The following SEMA5B variants were observed in gnomAD, a reference collection of about 807,000 sequenced individuals.
The protein encoded by SEMA5B is semaphorin-5B.
A neutral mutation model predicts 135.0 loss-of-function variants in SEMA5B; 66 were observed. The observed-to-expected ratio is 0.49, with a 90% CI of 0.40 to 0.60. SEMA5B has a LOEUF of 0.60. Ranked by LOEUF, SEMA5B falls within the 20% of genes least tolerant of loss-of-function variation. The probability of loss-of-function intolerance (pLI) is 0.00; values close to 1 mark genes in which losing one functional copy is unlikely to be tolerated. For missense variants in SEMA5B, 1,501 were observed against 1,566.3 expected, an observed-to-expected ratio of 0.96 and a Z score of 0.70; for synonymous variants, 690 against 639.5, an observed-to-expected ratio of 1.08 and a Z score of -1.19.
chr3:122,947,336 C>A (rs1437973989), intron 3 of SEMA5B, among the ~76,000 whole-genome samples: 2 of 152,038 alleles, frequency 1.3e-5, no homozygotes, highest in Non-Finnish European at 2.9e-5. Context: ...CAGCTGGAAA[C>A]CTTCCTCCCT....
chr3:123,008,273 A>G (rs192099934), intron 1 of SEMA5B, among the ~76,000 whole-genome samples: 84 of 152,350 alleles, frequency 5.5e-4, no homozygotes, highest in African/African-American at 1.9e-3. Flanking sequence ...CCTCTAATCA[A>G]TAATAAACTG....
chr3:122,920,531 T>C (rs533244625), intron 12 of SEMA5B, among the ~76,000 whole-genome samples: 1 of 152,330 alleles, frequency 6.6e-6, no homozygotes, highest in South Asian at 2.1e-4. Context: ...GTAATAAAGA[T>C]ACCAGCTACC....
chr3:122,928,232 G>T (rs1454409521), intron 7 of SEMA5B, among the ~76,000 whole-genome samples: 1 of 152,146 alleles, frequency 6.6e-6, no homozygotes, highest in Non-Finnish European at 1.5e-5. Flanking sequence ...ACCCTCCAAG[G>T]TAAGGCTGAC....
intron 1 of SEMA5B, among the ~76,000 whole-genome samples, chr3:122,987,156 T>C (rs1336586240): frequency 6.6e-6 from 1 of 150,834 alleles, no homozygotes; most frequent in Non-Finnish European, 1.5e-5. Context: ...TCCAGTAAAG[T>C]GATGCCGGGA....
rs202016691 is a variant in SEMA5B at position 122,915,927 on chromosome 3, C to T, written c.1689-37G>A. On this transcript the variant is annotated intron_variant, in intron 12 of 22. Coordinates refer to ENST00000357599, the MANE Select transcript of SEMA5B (RefSeq NM_001031702.4). ...ACGTCCTGAGATTCAAGCCCACTGG[C>T]TTCCCAGCCTCACCTGCATCTCAGG... 1,184 of 1,534,502 alleles carry T rather than the reference C, an allele frequency of 7.7e-4. 20 individuals are homozygous for T. In the South Asian group the frequency reaches 0.012, roughly 16 times the overall value.
chr3:122,983,985 A>AGT (rs1042311581), intron 1 of SEMA5B, among the ~76,000 whole-genome samples: 3 of 152,148 alleles, frequency 2.0e-5, no homozygotes, highest in Non-Finnish European at 4.4e-5. Flanking sequence ...TCATTCCGAG[A>AGT]GTTTGGCTCT....
At position 122,927,964 on chromosome 3, in the gene SEMA5B, C is replaced by A; in HGVS notation, c.676G>T (p.Val226Leu). ...LSRTIEKING[V>L]ARCPYDPRHN... ...CGTGGGTCATAGGGGCAGCGGGCCACACCATTGATCTTCTCAATAGTCCGG... is the reference window on the plus strand; with the variant it reads ...CGTGGGTCATAGGGGCAGCGGGCCAAACCATTGATCTTCTCAATAGTCCGG... The change falls in exon 8 of 23, where the codon GTG (valine) becomes TTG (leucine). Residue 226 changes from valine (V) to leucine (L), a missense_variant. By Grantham distance (32) the Val-to-Leu change is conservative. Transcript: ENST00000357599. The A allele has an allele frequency of 1.3e-6, 2 of 1,539,830 alleles. No individual in the cohort carries two copies. Among genetic ancestry groups the A allele is most frequent in the Non-Finnish European group, 1.8e-6 (2 of 1,141,046 alleles).
intron 2 of SEMA5B, among the ~76,000 whole-genome samples, chr3:122,960,390 C>T (rs559011438): frequency 2.0e-5 from 3 of 152,290 alleles, no homozygotes; most frequent in Non-Finnish European, 4.4e-5. Flanking sequence ...TAAAATGGTA[C>T]AGCCGCTATG....
chr3:123,022,711 T>C (rs1377705268), intron 1 of SEMA5B, among the ~76,000 whole-genome samples: 1 of 152,226 alleles, frequency 6.6e-6, no homozygotes, highest in East Asian at 1.9e-4. Flanking sequence ...TCGAATAATT[T>C]CTCACTGGTG....
chr3:123,022,070 A>G (rs1316281925), intron 1 of SEMA5B, among the ~76,000 whole-genome samples: 2 of 152,190 alleles, frequency 1.3e-5, no homozygotes, highest in Non-Finnish European at 2.9e-5. Flanking sequence ...TGCAATATCC[A>G]TTCAAAACCA....
At chr3:122,943,288 G>C in intron 4 of SEMA5B, 148 bp downstream of exon 4, 1 of 593,118 alleles carries the variant, frequency 1.7e-6, no homozygotes, top group East Asian at 2.8e-5. Flanking sequence ...CTCCTGTGGG[G>C]GGACAGACAT....
At chr3:122,938,869 A>G (rs1464397949) in intron 5 of SEMA5B, among the ~76,000 whole-genome samples, 1 of 152,252 alleles carries the variant, frequency 6.6e-6, no homozygotes, top group Non-Finnish European at 1.5e-5. Flanking sequence ...CTCTCAGAGC[A>G]CTTAGGGAAT....
At chr3:122,932,595 A>C (rs1939035049) in intron 5 of SEMA5B, among the ~76,000 whole-genome samples, 1 of 152,084 alleles carries the variant, frequency 6.6e-6, no homozygotes, top group South Asian at 2.1e-4. Flanking sequence ...ACATCTTATC[A>C]ATATCCCGCT....
intron 2 of SEMA5B, among the ~76,000 whole-genome samples, chr3:122,959,259 C>T (rs1440855882): frequency 6.6e-6 from 1 of 152,132 alleles, no homozygotes; most frequent in Non-Finnish European, 1.5e-5. Flanking sequence ...GTCGCCATTT[C>T]GTGGATGGGA....
chr3:122,961,219 G>A lies in SEMA5B; in HGVS notation c.45C>T (p.Val15=), dbSNP rs531754662. The stretch of plus-strand genomic sequence containing the variant: ...GGGCTGGGGTATCAGGCGGCCCAGG[G>A]ACGAGGTGGTGGGCAACAGGAGACG... The part of the protein sequence containing the change: ...FSPSPVAHHL[V]PGPPDTPAQQ... The change falls in exon 2 of 23, where the codon GTC becomes GTT. Residue 15 remains valine (V), a synonymous_variant. Coordinates refer to ENST00000357599, the MANE Select transcript of SEMA5B (RefSeq NM_001031702.4). 1.4e-4 allele frequency: 231 copies of A among 1,614,050 alleles called. 1 individual carries two copies. In the South Asian group the frequency reaches 2.3e-3, roughly 16 times the overall value.
intron 1 of SEMA5B, among the ~76,000 whole-genome samples, chr3:122,990,107 T>A (rs745893327): frequency 2.0e-5 from 3 of 152,128 alleles, no homozygotes; most frequent in Admixed American, 6.5e-5. Flanking sequence ...AGCAGGCTGA[T>A]TAAGAGATGA....
intron 15 of SEMA5B, 24 bp from the exon 16 acceptor site, chr3:122,913,705 A>T (rs1425886541): frequency 3.7e-6 from 6 of 1,609,700 alleles, no homozygotes; most frequent in Non-Finnish European, 4.2e-6. Context: ...AGAGGCGTCA[A>T]TCCAGGGAGG....
intron 1 of SEMA5B, among the ~76,000 whole-genome samples, chr3:122,990,086 T>C (rs1450320645): frequency 6.6e-6 from 1 of 152,160 alleles, no homozygotes; most frequent in Non-Finnish European, 1.5e-5. Context: ...ACACAAGGCA[T>C]TTCAAAGCCC....
chr3:122,970,125 C>T (rs1941047175), intron 1 of SEMA5B, among the ~76,000 whole-genome samples: 1 of 152,186 alleles, frequency 6.6e-6, no homozygotes, highest in Admixed American at 6.5e-5. Flanking sequence ...TGGGTGCCCA[C>T]AGCAGGTGGG....
Sources: gnomAD v4.1 joint callset for allele counts (sites outside exome capture counted in the v4.1 genomes callset) on GRCh38, gnomAD v4.1.1 for gene constraint, MANE v1.5 for transcripts, NCBI Gene and HGNC (gene_info 2026-07-23, HGNC 2026-07-21) for gene names.